Variants in ANGEL1 observed in about 807,000 individuals in gnomAD.
The protein encoded by ANGEL1 is angel homolog 1, also known as RNA 2',3'-cyclic phosphatase ANGEL1.
In ANGEL1, 62 loss-of-function variants were observed where a neutral mutation model predicts 76.4. The observed-to-expected ratio is 0.81, with a 90% CI of 0.66 to 1.00. ANGEL1 has a LOEUF of 1.00. ANGEL1 is among the 50% of genes least tolerant of loss of function. The pLI, the probability that ANGEL1 is intolerant of heterozygous loss-of-function variation, is 0.00. For synonymous variants in ANGEL1, 340 were observed against 331.7 expected (o/e 1.03, Z -0.27); for missense variants, 737 against 836.7 (o/e 0.88, Z 1.47).
chr14:76,789,970 T>G (rs1427812783), intron 9 of ANGEL1, among the ~76,000 whole-genome samples: 1 of 151,914 alleles, frequency 6.6e-6, no homozygotes, highest in Non-Finnish European at 1.5e-5. Flanking sequence ...GTTCAAGCGA[T>G]TCTCCTGCCT....
In ANGEL1 at chr14:76,809,588, C is replaced by G. The variant is rs776991398; in HGVS notation, c.120G>C (p.Gln40His). ...NVLLANSSSP[Q>H]VEGDFAMAPR... ...GGGCCATGGCAAAGTCGCCCTCTACCTGGGGGGATGAGCTGTTCGCCAGAA... is the reference window on the plus strand; with the variant it reads ...GGGCCATGGCAAAGTCGCCCTCTACGTGGGGGGATGAGCTGTTCGCCAGAA... Residue 40 changes from glutamine to histidine, a missense_variant, in exon 2 of 10, where the codon CAG (glutamine) becomes CAC (histidine). Coordinates refer to ENST00000251089, the MANE Select transcript of ANGEL1 (RefSeq NM_015305.4). 2.5e-6 allele frequency: 4 copies of G among 1,614,048 alleles called. No homozygotes were observed. Among genetic ancestry groups the G allele is most frequent in the Non-Finnish European group, 3.4e-6 (4 of 1,180,044 alleles).
At position 76,809,283 on chromosome 14, in the gene ANGEL1, A is replaced by AC; in HGVS notation, c.424dup (p.Val142GlyfsTer47). On this transcript the variant is annotated frameshift_variant, in exon 2 of 10. Coordinates refer to ENST00000251089, the MANE Select transcript of ANGEL1 (RefSeq NM_015305.4). LOFTEE classifies it high-confidence loss of function. ...GATAGCTGCCCACATGGAGCCCTCC[A>AC]CCCCCTCCACCTCCAGCAGTGGCTC... The AC allele has an allele frequency of 6.2e-7, 1 of 1,613,532 alleles. No individual in the cohort carries two copies. The highest frequency in any genetic ancestry group is 1.3e-5 in the African/African-American group (1 of 74,934).
chr14:76,812,159 T>C (rs1444585581), intron 1 of ANGEL1: 4 of 801,426 alleles, frequency 5.0e-6, no homozygotes, highest in East Asian at 1.3e-4. Flanking sequence ...CCCCAGCACA[T>C]CTCCCTCTAA....
At chr14:76,811,522 GGGGC>G (rs574336032) in intron 1 of ANGEL1, among the ~76,000 whole-genome samples, 15,020 of 54,070 alleles carry the variant, frequency 0.28, 1,199 homozygotes, top group African/African-American at 0.36. Context: ...TGTAGGTGGG[GGGGC>G]GGGGGGGGCC....
At chr14:76,798,582 T>C (rs948585718) in intron 7 of ANGEL1, among the ~76,000 whole-genome samples, 1 of 152,330 alleles carries the variant, frequency 6.6e-6, no homozygotes, top group African/African-American at 2.4e-5. Context: ...AAAGAAATCA[T>C]TTATAATAGA....
chr14:76,806,716 A>T lies in ANGEL1; in HGVS notation c.1080T>A (p.Asn360Lys). The T allele has an allele frequency of 6.2e-7, 1 of 1,613,832 alleles. No homozygotes were observed. The highest frequency in any genetic ancestry group is 1.3e-5 in the African/African-American group (1 of 74,878). Reference sequence around the variant, plus strand: ...GCAACACTAAGCCCACATTATCCCGATTAAGTAGCTCCAAGCCAGGCCGGA... The same window carrying T: ...GCAACACTAAGCCCACATTATCCCGTTTAAGTAGCTCCAAGCCAGGCCGGA... ...EYFRPGLELL[N>K]RDNVGLVLLL... is the part of the protein sequence containing the mutation. The change falls in exon 5 of 10, where the codon AAT becomes AAA. Residue 360 changes from asparagine to lysine, a missense_variant. Physicochemically the swap from Asn to Lys is moderately conservative, Grantham distance 94. Around this residue, in one of 2 missense-constraint regions of ANGEL1, gnomAD observed 441 missense variants for 449.5 expected, o/e 0.98. Coordinates refer to ENST00000251089, the MANE Select transcript of ANGEL1 (RefSeq NM_015305.4).
rs908886238 is a variant in ANGEL1, at chr14:76,812,530, C to G, written c.64+234G>C. The G allele has an allele frequency of 5.6e-6, 7 of 1,245,724 alleles. No individual in the cohort carries two copies. In the African/African-American group the frequency reaches 1.1e-4, roughly 19 times the overall value. The allele number at this position is 1,245,724 out of a possible 1,614,324, so 77.2% of individuals were successfully genotyped here. A position where few individuals can be genotyped will look rare whatever the true frequency, so the allele number is the denominator to read the frequency against. ...CACCTTAACCGCGGCCGGACGCCAT[C>G]TGACAACAGGCGGGAGGAGGGGCCG... On this transcript the variant is annotated intron_variant, in intron 1 of 9. Transcript: ENST00000251089.
intron 2 of ANGEL1, 88 bp downstream of exon 2, chr14:76,808,971 T>C: frequency 7.8e-7 from 1 of 1,282,038 alleles, no homozygotes; most frequent in Non-Finnish European, 1.1e-6. Flanking sequence ...CAGAGCTCCC[T>C]ACCATAGAAT....
chr14:76,793,745 G>A (rs551139487), intron 7 of ANGEL1, among the ~76,000 whole-genome samples: 199 of 151,854 alleles, frequency 1.3e-3, no homozygotes, highest in Admixed American at 2.3e-3. Context: ...GTCCCCCAGC[G>A]GATGCCTGAA....
At position 76,812,755 on chromosome 14, in the gene ANGEL1, G is replaced by A. The variant is rs993204672; in HGVS notation, c.64+9C>T. On this transcript the variant is annotated intron_variant, in intron 1 of 9. Coordinates refer to ENST00000251089, the MANE Select transcript of ANGEL1 (RefSeq NM_015305.4). The stretch of plus-strand genomic sequence containing the variant: ...CGGGCTCCTGTCTGTCGGTACGCCT[G>A]GCCGGTACCTGAGAGGGCGCGGAAG... 1 of 1,517,156 alleles carries A rather than the reference G, an allele frequency of 6.6e-7. No homozygotes were observed. The highest frequency in any genetic ancestry group is 8.8e-7 in the Non-Finnish European group (1 of 1,137,452). The allele number at this position is 1,517,156 out of a possible 1,614,324, so 94.0% of individuals were successfully genotyped here.
At position 76,789,372 on chromosome 14, in the gene ANGEL1, T is replaced by G. The variant is rs1894330391; in HGVS notation, c.1869A>C (p.Arg623=). The change falls in exon 10 of 10, where the codon CGA becomes CGC. Residue 623 remains arginine (R), a synonymous_variant. Coordinates refer to ENST00000251089, the MANE Select transcript of ANGEL1 (RefSeq NM_015305.4). ...NGNRTDHRLY[R]DGTLKLLGRL... ...GACCCAGGAGCTTGAGAGTTCCATC[T>G]CGATACAGCCTGTGATCTGGGGCAC... The G allele has an allele frequency of 6.2e-7, 1 of 1,614,016 alleles. No homozygotes were observed. The highest frequency in any genetic ancestry group is 1.3e-5 in the African/African-American group (1 of 74,912).
chr14:76,787,360 C>A lies in ANGEL1; in HGVS notation c.*1868G>T, dbSNP rs1894284583. The stretch of plus-strand genomic sequence containing the variant: ...AAGGAAAAGATAATCTATCAAGCAT[C>A]TGCCCTCTGCTGTGGTTAGCCATTT... On this transcript the variant is annotated 3_prime_UTR_variant, in exon 10 of 10. Transcript: ENST00000251089. 1 of 152,364 alleles carries A rather than the reference C, an allele frequency of 6.6e-6. No individual in the cohort carries two copies. The highest frequency in any genetic ancestry group is 6.5e-5 in the Admixed American group (1 of 15,282). 9.4% of individuals were successfully genotyped at this position (152,364 alleles called of 1,614,324 possible).
chr14:76,798,838 C>T (rs1228705814), intron 7 of ANGEL1, among the ~76,000 whole-genome samples: 4 of 150,954 alleles, frequency 2.6e-5, no homozygotes, highest in African/African-American at 7.3e-5. Context: ...ATCCCAGCTA[C>T]TGGGGAGGCT....
At chr14:76,791,207 C>G in intron 8 of ANGEL1, 90 bp downstream of exon 8, 1 of 1,411,836 alleles carries the variant, frequency 7.1e-7, no homozygotes, top group Non-Finnish European at 1.0e-6. Flanking sequence ...AGTGCTCCCC[C>G]AAGTCAACCT....
chr14:76,794,491 G>A (rs1306655468), intron 7 of ANGEL1, among the ~76,000 whole-genome samples: 1 of 151,926 alleles, frequency 6.6e-6, no homozygotes, highest in Admixed American at 6.6e-5. Flanking sequence ...CTAATACAGT[G>A]AAACCCCGTC....
chr14:76,806,015 C>T (rs1595306518), intron 5 of ANGEL1, among the ~76,000 whole-genome samples: 1 of 152,170 alleles, frequency 6.6e-6, no homozygotes, highest in African/African-American at 2.4e-5. Context: ...ATCATAGGAA[C>T]ATAGATATCA....
In ANGEL1 at chr14:76,809,136, G is replaced by A; in HGVS notation, c.572C>T (p.Pro191Leu). ...LAWSIAPEPV[P>L]QEEASIWPFE... ...GGGCCAGATGGAAGCCTCTTCCTGG[G>A]GCACAGGCTCAGGTGCTATGCTCCA... The change falls in exon 2 of 10, where the codon CCC (proline) becomes CTC (leucine). Residue 191 changes from proline (P) to leucine (L), a missense_variant. Physicochemically the swap from Pro to Leu is moderately conservative, Grantham distance 98. Around this residue, in one of 2 missense-constraint regions of ANGEL1, gnomAD observed 441 missense variants for 449.5 expected, o/e 0.98. Coordinates refer to ENST00000251089, the MANE Select transcript of ANGEL1 (RefSeq NM_015305.4). 1 of 1,614,158 alleles carries A rather than the reference G, an allele frequency of 6.2e-7. No individual in the cohort carries two copies. Among genetic ancestry groups the A allele is most frequent in the Non-Finnish European group, 8.5e-7 (1 of 1,180,008 alleles).
At chr14:76,812,642 C>A in intron 1 of ANGEL1, 122 bp downstream of exon 1, 1 of 1,345,338 alleles carries the variant, frequency 7.4e-7, no homozygotes, top group Non-Finnish European at 9.5e-7. Flanking sequence ...CCCTACACCT[C>A]GGCACTGCCC....
At chr14:76,804,320 T>C in intron 5 of ANGEL1, 1 of 1,112,308 alleles carries the variant, frequency 9.0e-7, no homozygotes, top group Non-Finnish European at 1.1e-6. Context: ...ATCCTGAACC[T>C]ATTACTGGGT....
Sources: gnomAD v4.1 joint callset for allele counts (sites outside exome capture counted in the v4.1 genomes callset) on GRCh38, gnomAD v4.1.1 for gene constraint, gnomAD v4.1.1 regional missense constraint, MANE v1.5 for transcripts, NCBI Gene and HGNC (gene_info 2026-07-23, HGNC 2026-07-21) for gene names.